KMT2E: variants seen among roughly 807,000 people sequenced by gnomAD.
KMT2E encodes lysine methyltransferase 2E (inactive).
Under a neutral mutation model 184.6 loss-of-function variants are expected in KMT2E, and 30 were observed. The ratio of observed to expected loss-of-function variants is 0.16; its 90% CI spans 0.12 to 0.22. The LOEUF is 0.22. Among genes scored for constraint, KMT2E ranks in the 10% least tolerant of loss-of-function variants. KMT2E has a pLI of 1.00. For missense variants in KMT2E, 2,023 were observed against 2,237.4 expected (o/e 0.90, Z 1.93); for synonymous variants, 815 against 776.5 (o/e 1.05, Z -0.82).
intron 15 of KMT2E, among the ~76,000 whole-genome samples, chr7:105,100,615 G>A (rs35418021): frequency 0.15 from 22,417 of 152,108 alleles, 2,447 homozygotes; most frequent in East Asian, 0.58. Flanking sequence ...GGAACACTTG[G>A]CTGTTTCTCA....
At chr7:105,063,926 G>T (rs907754268) in intron 5 of KMT2E, 5 of 453,996 alleles carry the variant, frequency 1.1e-5, no homozygotes, top group Non-Finnish European at 2.2e-5. Context: ...GGAATAATTT[G>T]TGCTTAGTCA....
In KMT2E at chr7:105,048,354, A is replaced by G. The variant is rs149700616; in HGVS notation, c.71+7331A>G. ...GCCTGGCCAAAATCCTCATTTTTTA[A>G]CACCAGGAAATCTCATGATAATTTT... On this transcript the variant is annotated intron_variant, in intron 3 of 26. Transcript: ENST00000311117. Among the ~76,000 whole-genome samples, 453 of 152,238 alleles carry G rather than the reference A, an allele frequency of 3.0e-3. 15 individuals carry two copies. In the East Asian group the frequency reaches 0.062, roughly 21 times the overall value.
chr7:105,098,535 A>G (rs903697222), intron 15 of KMT2E, among the ~76,000 whole-genome samples: 1 of 152,056 alleles, frequency 6.6e-6, no homozygotes, highest in African/African-American at 2.4e-5. Context: ...CCTCCTGAGT[A>G]GCTGGGACTA....
chr7:105,066,890 T>C (rs2129567473), intron 6 of KMT2E, 83 bp downstream of exon 6: 1 of 1,016,204 alleles, frequency 9.8e-7, no homozygotes, highest in Non-Finnish European at 1.5e-6. Context: ...TGAATTCGAG[T>C]TAAAAAATTA....
intron 1 of KMT2E, 123 bp from the exon 2 acceptor site, chr7:105,038,003 C>A (rs1795733431): frequency 1.3e-5 from 2 of 151,974 alleles, no homozygotes; most frequent in South Asian, 4.2e-4. Flanking sequence ...TAAATTTATC[C>A]TTTTAAGAAT....
At chr7:105,058,279 T>A (rs1796652835) in intron 3 of KMT2E, among the ~76,000 whole-genome samples, 2 of 152,194 alleles carry the variant, frequency 1.3e-5, no homozygotes. Context: ...ACTGTGTGCT[T>A]CTTATCACAT....
At chr7:105,110,908 A>C in intron 26 of KMT2E, 40 bp downstream of exon 26, 1 of 1,394,442 alleles carries the variant, frequency 7.2e-7, no homozygotes. Flanking sequence ...AAAGGACTTT[A>C]GGTTGAGTGC....
chr7:105,113,351 T>G lies in KMT2E; in HGVS notation c.*18T>G. 3 of 1,589,172 alleles carry G rather than the reference T, an allele frequency of 1.9e-6. No homozygotes were observed. Among genetic ancestry groups the G allele is most frequent in the Non-Finnish European group, 2.6e-6 (3 of 1,163,116 alleles). The stretch of plus-strand genomic sequence containing the variant: ...GGCATTAAAATGGACTCCAAAAACA[T>G]TTTTTTAAATGTTCTGTAAGATAAA... On this transcript the variant is annotated 3_prime_UTR_variant, in exon 27 of 27. Transcript: ENST00000311117.
intron 1 of KMT2E, among the ~76,000 whole-genome samples, chr7:105,015,069 C>G (rs1015926812): frequency 6.7e-6 from 1 of 149,688 alleles, no homozygotes; most frequent in South Asian, 2.1e-4. Context: ...TGTGGGAGAG[C>G]GAGACAGCTA....
At chr7:105,056,977 T>C (rs1473184346) in intron 3 of KMT2E, among the ~76,000 whole-genome samples, 1 of 152,038 alleles carries the variant, frequency 6.6e-6, no homozygotes, top group African/African-American at 2.4e-5. Flanking sequence ...GAAGAAAAAA[T>C]AATAGATGCA....
chr7:105,105,870 A>G lies in KMT2E; in HGVS notation c.2463A>G (p.Lys821=). The change falls in exon 19 of 27, where the codon AAA becomes AAG. Residue 821 remains lysine (K), a synonymous_variant. Transcript: ENST00000311117. The part of the protein sequence containing the change: ...ISGSCKKRWL[K]QALEEENSAI... The stretch of plus-strand genomic sequence containing the variant: ...TCTGTTTTATTCAGCGATGGTTGAA[A>G]CAAGCTCTGGAAGAAGAAAATTCAG... 5.0e-6 allele frequency: 8 copies of G among 1,611,498 alleles called. No homozygotes were observed. The highest frequency in any genetic ancestry group is 6.8e-6 in the Non-Finnish European group (8 of 1,179,310).
intron 15 of KMT2E, among the ~76,000 whole-genome samples, chr7:105,096,827 C>T (rs1798431003): frequency 1.3e-5 from 2 of 152,282 alleles, no homozygotes; most frequent in South Asian, 4.1e-4. Context: ...GTGCAGGATT[C>T]CCCACAATTT....
rs990156984 is a variant in KMT2E, at chr7:105,014,344, T to G, written c.-380T>G. 6.4e-6 allele frequency: 1 copy of G among 155,144 alleles called. No individual in the cohort carries two copies. Among genetic ancestry groups the G allele is most frequent in the East Asian group, 1.9e-4 (1 of 5,284 alleles). The allele number at this position is 155,144 out of a possible 1,614,324, so 9.6% of individuals were successfully genotyped here. On this transcript the variant is annotated 5_prime_UTR_variant, in exon 1 of 27. Transcript: ENST00000311117. ...TCTGCGTTCCTGTTGACTGCCTGGC[T>G]GCCCCCTCCCCTACTCCTCGGTTCC...
At chr7:105,068,236 C>T (rs767450346) in intron 6 of KMT2E, among the ~76,000 whole-genome samples, 1 of 151,722 alleles carries the variant, frequency 6.6e-6, no homozygotes, top group Non-Finnish European at 1.5e-5. Context: ...TGTCTATAGG[C>T]TTGATCAGAT....
chr7:105,052,997 C>T (rs1012155648), intron 3 of KMT2E, among the ~76,000 whole-genome samples: 3 of 152,222 alleles, frequency 2.0e-5, no homozygotes, highest in Middle Eastern at 3.4e-3. Flanking sequence ...TACAGCTAAA[C>T]GTATTTTATA....
In KMT2E at chr7:105,109,246, T is replaced by A. The variant is rs1562933783; in HGVS notation, c.3755+18T>A. 2 of 1,605,376 alleles carry A rather than the reference T, an allele frequency of 1.2e-6. No individual in the cohort carries two copies. Among genetic ancestry groups the A allele is most frequent in the Non-Finnish European group, 1.7e-6 (2 of 1,174,064 alleles). ...GTTCAATGGTAAGCCCATTGTGAAG[T>A]ATGCTACTCTGGAAAAAACAAGCTT... is the stretch of plus-strand genomic sequence containing the variant. On this transcript the variant is annotated intron_variant, in intron 23 of 26. Transcript: ENST00000311117.
At chr7:105,050,611 A>G (rs1796288460) in intron 3 of KMT2E, among the ~76,000 whole-genome samples, 1 of 147,612 alleles carries the variant, frequency 6.8e-6, no homozygotes, top group Non-Finnish European at 1.5e-5. Context: ...AGGCTCATCT[A>G]TTTTTTTTCC....
rs1437289379 is a variant in KMT2E at position 105,075,311 on chromosome 7, A to G, written c.729+496A>G. On this transcript the variant is annotated intron_variant, in intron 8 of 26. Transcript: ENST00000311117. ...GTTAGTCACTCTAAATGGAGTTCACACTTTTTAGGGGGTTGAGGGGGATAG... is the reference window on the plus strand; with the variant it reads ...GTTAGTCACTCTAAATGGAGTTCACGCTTTTTAGGGGGTTGAGGGGGATAG... 3.3e-5 allele frequency among the ~76,000 whole-genome samples: 5 copies of G among 151,716 alleles called. No homozygotes were observed. In the South Asian group the frequency reaches 8.3e-4, roughly 25 times the overall value.
In KMT2E at chr7:105,112,788, C is replaced by CG; in HGVS notation, c.5032_5033insG (p.Pro1678ArgfsTer191). On this transcript the variant is annotated frameshift_variant, in exon 27 of 27. Transcript: ENST00000311117. LOFTEE classifies it high-confidence loss of function. ...TTCTCAAACTGCTGGACACCACTTA[C>CG]CCCCACCCCCACCCCCTCCTGGTCC... is the stretch of plus-strand genomic sequence containing the variant. 1 of 1,580,894 alleles carries CG rather than the reference C, an allele frequency of 6.3e-7. No homozygotes were observed. Among genetic ancestry groups the CG allele is most frequent in the Non-Finnish European group, 8.6e-7 (1 of 1,161,122 alleles).
Sources: gnomAD v4.1 joint callset for allele counts (sites outside exome capture counted in the v4.1 genomes callset) on GRCh38, gnomAD v4.1.1 for gene constraint, MANE v1.5 for transcripts, NCBI Gene and HGNC (gene_info 2026-07-23, HGNC 2026-07-21) for gene names.